TRIM36: variants seen among roughly 807,000 people sequenced by gnomAD.
TRIM36 encodes tripartite motif containing 36.
Under a neutral mutation model 72.4 loss-of-function variants are expected in TRIM36, and 42 were observed. The ratio of observed to expected loss-of-function variants is 0.58; its 90% CI spans 0.45 to 0.75. The LOEUF is 0.75. TRIM36 is among the 30% of genes least tolerant of loss of function. The pLI is 0.00. For missense variants in TRIM36, 913 were observed against 857.1 expected, an observed-to-expected ratio of 1.07 and a Z score of -0.81; for synonymous variants, 315 against 282.8, an observed-to-expected ratio of 1.11 and a Z score of -1.14.
intron 1 of TRIM36, among the ~76,000 whole-genome samples, chr5:115,166,190 G>A (rs1241574159): frequency 6.6e-6 from 1 of 152,204 alleles, no homozygotes; most frequent in African/African-American, 2.4e-5. Context: ...CTAGGGTCCA[G>A]GCTGCCAGTT....
chr5:115,167,416 T>C (rs1403259816), intron 1 of TRIM36, among the ~76,000 whole-genome samples: 1 of 152,234 alleles, frequency 6.6e-6, no homozygotes, highest in Non-Finnish European at 1.5e-5. Context: ...CCCCAGAAAA[T>C]AGGTTTTTCC....
At chr5:115,158,043 A>T (rs1242951441) in intron 2 of TRIM36, among the ~76,000 whole-genome samples, 1 of 152,162 alleles carries the variant, frequency 6.6e-6, no homozygotes, top group African/African-American at 2.4e-5. Flanking sequence ...GGTGCACCAA[A>T]ATCTCACAAA....
chr5:115,127,462 G>A (rs1173941374), intron 9 of TRIM36, among the ~76,000 whole-genome samples: 1 of 152,224 alleles, frequency 6.6e-6, no homozygotes, highest in East Asian at 1.9e-4. Flanking sequence ...TTGGGAGGCT[G>A]AGGCATAAGA....
chr5:115,155,002 G>T (rs1242631296), intron 2 of TRIM36, among the ~76,000 whole-genome samples: 2 of 151,464 alleles, frequency 1.3e-5, no homozygotes, highest in Non-Finnish European at 2.9e-5. Context: ...CAACAAGGAA[G>T]AAACCTCGTC....
At chr5:115,179,325 C>T (rs1327243641) in intron 1 of TRIM36, among the ~76,000 whole-genome samples, 1 of 152,208 alleles carries the variant, frequency 6.6e-6, no homozygotes, top group Non-Finnish European at 1.5e-5. Flanking sequence ...TTCCTAAAGG[C>T]TCCAGGACAG....
At position 115,130,656 on chromosome 5, in the gene TRIM36, C is replaced by T. The variant is rs1222978019; in HGVS notation, c.1732G>A (p.Gly578Arg). The T allele has an allele frequency of 1.2e-6, 2 of 1,614,164 alleles. No individual in the cohort carries two copies. The highest frequency in any genetic ancestry group is 1.1e-5 in the South Asian group (1 of 91,084). ...TGTAGTTTATCGCTAGAAGCAACTC[C>T]CACTTTTACCAGGTATGAATATGGT... is the stretch of plus-strand genomic sequence containing the variant. ...VEPYSYLVKVGVASSDKLQEW... is the reference protein window; with the variant it reads ...VEPYSYLVKVRVASSDKLQEW... The change falls in exon 9 of 10, where the codon GGA (glycine) becomes AGA (arginine). Residue 578 changes from glycine (G) to arginine (R), a missense_variant. Coordinates refer to ENST00000513154, the MANE Select transcript of TRIM36 (RefSeq NM_001300759.2).
chr5:115,163,165 C>A (rs960504695), intron 2 of TRIM36, among the ~76,000 whole-genome samples: 1 of 152,088 alleles, frequency 6.6e-6, no homozygotes, highest in African/African-American at 2.4e-5. Flanking sequence ...CCATGTTGGT[C>A]AGGCTGGTCT....
At position 115,169,884 on chromosome 5, in the gene TRIM36, T is replaced by C. The variant is rs1755009114; in HGVS notation, c.-250A>G. 7.7e-7 allele frequency: 1 copy of C among 1,303,150 alleles called. No individual in the cohort carries two copies. The highest frequency in any genetic ancestry group is 9.8e-7 in the Non-Finnish European group (1 of 1,025,146). The allele number at this position is 1,303,150 out of a possible 1,614,324, so 80.7% of individuals were successfully genotyped here. ...CCGGGAATCCCGCCCAGCTGCCGGC[T>C]GCAGCAGCGGCTCCTGCGGACTGCG... On this transcript the variant is annotated 5_prime_UTR_variant, in exon 1 of 10. Coordinates refer to ENST00000513154, the MANE Select transcript of TRIM36 (RefSeq NM_001300759.2).
intron 1 of TRIM36, among the ~76,000 whole-genome samples, chr5:115,166,078 G>T (rs1754760848): frequency 6.6e-6 from 1 of 152,152 alleles, no homozygotes; most frequent in African/African-American, 2.4e-5. Context: ...AGCTAAAACA[G>T]TCTGGGCACC....
At chr5:115,140,212 T>C (rs1177343375) in intron 5 of TRIM36, among the ~76,000 whole-genome samples, 1 of 152,158 alleles carries the variant, frequency 6.6e-6, no homozygotes, top group East Asian at 1.9e-4. Flanking sequence ...GGAAAAAAAC[T>C]TCTTCAAGTA....
intron 3 of TRIM36, among the ~76,000 whole-genome samples, chr5:115,146,498 A>C (rs1753600332): frequency 6.6e-6 from 1 of 152,220 alleles, no homozygotes; most frequent in Non-Finnish European, 1.5e-5. Flanking sequence ...CAAACAATAC[A>C]TAAACTTCTT....
intron 8 of TRIM36, 27 bp downstream of exon 8, chr5:115,133,833 T>A (rs1752815933): frequency 6.5e-7 from 1 of 1,541,224 alleles, no homozygotes; most frequent in African/African-American, 1.4e-5. Flanking sequence ...AACTCTATGC[T>A]TTTTTTATTC....
intron 7 of TRIM36, among the ~76,000 whole-genome samples, chr5:115,134,396 C>T (rs1232461144): frequency 1.3e-5 from 2 of 151,888 alleles, no homozygotes; most frequent in African/African-American, 4.8e-5. Flanking sequence ...TGACTCAAAG[C>T]CACAAGTAAA....
chr5:115,131,002 G>A (rs966643815), intron 8 of TRIM36, 113 bp from the exon 9 acceptor site: 32 of 1,199,778 alleles, frequency 2.7e-5, no homozygotes, highest in Non-Finnish European at 3.4e-5. Context: ...GCGGGAAGGA[G>A]GTGTCACACT....
chr5:115,134,248 C>A (rs1752844832), intron 7 of TRIM36, 101 bp from the exon 8 acceptor site: 2 of 1,042,190 alleles, frequency 1.9e-6, no homozygotes, highest in Non-Finnish European at 2.6e-6. Flanking sequence ...TTAATGATTT[C>A]TATACTAATA....
At chr5:115,179,068 G>A (rs1348915264) in intron 1 of TRIM36, among the ~76,000 whole-genome samples, 1 of 152,182 alleles carries the variant, frequency 6.6e-6, no homozygotes, top group Non-Finnish European at 1.5e-5. Context: ...TCTTCTCGAA[G>A]CTCCAGGCGC....
At chr5:115,151,803 C>T (rs1388553297) in intron 2 of TRIM36, among the ~76,000 whole-genome samples, 1 of 152,122 alleles carries the variant, frequency 6.6e-6, no homozygotes, top group Non-Finnish European at 1.5e-5. Flanking sequence ...AACTCGACTC[C>T]CAGGAAGGCA....
At chr5:115,161,480 G>A (rs1255652008) in intron 2 of TRIM36, among the ~76,000 whole-genome samples, 2 of 152,196 alleles carry the variant, frequency 1.3e-5, no homozygotes, top group African/African-American at 2.4e-5. Context: ...AATGCTGCAT[G>A]GGTCACAGCC....
rs1753638756 is a variant in TRIM36 at position 115,147,198 on chromosome 5, T to C, written c.459A>G (p.Gln153=). 2 of 1,614,208 alleles carry C rather than the reference T, an allele frequency of 1.2e-6. No individual in the cohort carries two copies. Among genetic ancestry groups the C allele is most frequent in the Non-Finnish European group, 1.7e-6 (2 of 1,180,042 alleles). ...IMCDLCKPPP[Q]ESTKSCMDCS... ...AGTCCATGCAGCTTTTTGTGGATTCTTGAGGTGGTGGTTTACAAAGGTCAC... is the reference window on the plus strand; with the variant it reads ...AGTCCATGCAGCTTTTTGTGGATTCCTGAGGTGGTGGTTTACAAAGGTCAC... Residue 153 remains glutamine (Q), a synonymous_variant, in exon 3 of 10, where the codon CAA becomes CAG. Coordinates refer to ENST00000513154, the MANE Select transcript of TRIM36 (RefSeq NM_001300759.2).
Sources: gnomAD v4.1 joint callset for allele counts (sites outside exome capture counted in the v4.1 genomes callset) on GRCh38, gnomAD v4.1.1 for gene constraint, MANE v1.5 for transcripts, NCBI Gene and HGNC (gene_info 2026-07-23, HGNC 2026-07-21) for gene names.